Variants in WDR12 observed in about 807,000 individuals in gnomAD.
WDR12 encodes the protein WD repeat domain 12.
WDR12 carries 42 observed loss-of-function variants against 64.3 expected under a neutral mutation model. The observed-to-expected ratio is 0.65, with a 90% CI of 0.51 to 0.84. WDR12 has a LOEUF of 0.84. Ranked by LOEUF, WDR12 falls within the 40% of genes least tolerant of loss-of-function variation. WDR12 has a pLI of 0.00. For missense variants in WDR12, 469 were observed against 494.6 expected (o/e 0.95, Z 0.49); for synonymous variants, 158 against 173.3 (o/e 0.91, Z 0.70).
At chr2:202,889,788 C>T (rs1218994332) in intron 8 of WDR12, among the ~76,000 whole-genome samples, 1 of 151,394 alleles carries the variant, frequency 6.6e-6, no homozygotes, top group Non-Finnish European at 1.5e-5. Flanking sequence ...TGGTGGCATG[C>T]ACCTGTAGTT....
At chr2:202,888,998 C>T (rs1688100223) in intron 8 of WDR12, among the ~76,000 whole-genome samples, 1 of 152,012 alleles carries the variant, frequency 6.6e-6, no homozygotes, top group African/African-American at 2.4e-5. Flanking sequence ...CTTCTCGGGC[C>T]CCAAATTTTT....
intron 8 of WDR12, among the ~76,000 whole-genome samples, chr2:202,889,657 G>A (rs1174444163): frequency 6.6e-6 from 1 of 150,948 alleles, no homozygotes. Context: ...GCTCACGCCC[G>A]TAATCCCAGC....
At chr2:202,894,351 G>T (rs182004667) in intron 7 of WDR12, among the ~76,000 whole-genome samples, 19 of 152,154 alleles carry the variant, frequency 1.2e-4, no homozygotes, top group Admixed American at 2.6e-4. Flanking sequence ...CAAGGAGCTA[G>T]GACTACCGGT....
Position 202,880,217 on chromosome 2 carries a change from C to T in WDR12, c.*643G>A, listed in dbSNP as rs1298530597. On this transcript the variant is annotated 3_prime_UTR_variant, in exon 13 of 13. Transcript: ENST00000261015. Reference sequence around the variant, plus strand: ...CTAAGTCTCTAACAGAAATAAAAATCTCAACAATCAATTACTGGATTTCCA... The same window carrying T: ...CTAAGTCTCTAACAGAAATAAAAATTTCAACAATCAATTACTGGATTTCCA... 9 of 152,102 alleles carry T rather than the reference C, an allele frequency of 5.9e-5. No individual in the cohort carries two copies. The highest frequency in any genetic ancestry group is 2.2e-4 in the African/African-American group (9 of 41,426). The allele number at this position is 152,102 out of a possible 1,614,324, so 9.4% of individuals were successfully genotyped here. A position where few individuals can be genotyped will look rare whatever the true frequency, so the allele number is the denominator to read the frequency against.
intron 4 of WDR12, among the ~76,000 whole-genome samples, 189 bp downstream of exon 4, chr2:202,899,342 C>T (rs912148417): frequency 6.6e-6 from 1 of 152,152 alleles, no homozygotes; most frequent in East Asian, 1.9e-4. Context: ...CTGCACCCAG[C>T]CACCTGTTTC....
chr2:202,894,744 T>A (rs1312025747), intron 6 of WDR12, 118 bp from the exon 7 acceptor site: 2 of 789,210 alleles, frequency 2.5e-6, no homozygotes, highest in Non-Finnish European at 3.8e-6. Context: ...TCCACAGAAC[T>A]GAAATTAGCC....
Position 202,889,540 on chromosome 2 carries a change from A to G in WDR12, c.741+3077T>C, listed in dbSNP as rs566858805. Among the ~76,000 whole-genome samples, 23 of 152,188 alleles carry G rather than the reference A, an allele frequency of 1.5e-4. No homozygotes were observed. The South Asian group carries it at 4.8e-3, about 32-fold the overall frequency. ...TTAAAAATTAGCTAAAAATATGAAC[A>G]TTTCATAATTATCAAAGATCCAGGG... On this transcript the variant is annotated intron_variant, in intron 8 of 12. Transcript: ENST00000261015.
chr2:202,892,883 C>A (rs1688178459), intron 7 of WDR12, among the ~76,000 whole-genome samples, 181 bp from the exon 8 acceptor site: 1 of 152,030 alleles, frequency 6.6e-6, no homozygotes, highest in African/African-American at 2.4e-5. Context: ...GATTACCAAT[C>A]TCTAAAAATA....
chr2:202,887,544 A>C (rs1405650642), intron 8 of WDR12, among the ~76,000 whole-genome samples: 2 of 152,194 alleles, frequency 1.3e-5, no homozygotes, highest in African/African-American at 4.8e-5. Flanking sequence ...ATGTCATCTA[A>C]AACAAAATGA....
At chr2:202,892,553 A>C in intron 8 of WDR12, 64 bp downstream of exon 8, 1 of 1,119,956 alleles carries the variant, frequency 8.9e-7, no homozygotes, top group Non-Finnish European at 1.3e-6. Context: ...AGACCATATT[A>C]AATTACCATC....
intron 8 of WDR12, among the ~76,000 whole-genome samples, chr2:202,886,184 C>T (rs555941703): frequency 2.0e-5 from 3 of 150,656 alleles, no homozygotes; most frequent in East Asian, 1.9e-4. Flanking sequence ...AGGCCACACA[C>T]GGTGGCTAAC....
chr2:202,890,540 C>T (rs181712854), intron 8 of WDR12, among the ~76,000 whole-genome samples: 4 of 151,586 alleles, frequency 2.6e-5, no homozygotes, highest in Middle Eastern at 3.4e-3. Flanking sequence ...GAGGCCGAGG[C>T]GGGTGGATCA....
chr2:202,897,858 C>G (rs1178050974), intron 4 of WDR12, among the ~76,000 whole-genome samples: 1 of 123,980 alleles, frequency 8.1e-6, no homozygotes, highest in Non-Finnish European at 1.6e-5. Context: ...CACTGCACAC[C>G]AGCCTGGGTG....
intron 8 of WDR12, among the ~76,000 whole-genome samples, chr2:202,888,800 C>G (rs1688096381): frequency 6.6e-6 from 1 of 152,180 alleles, no homozygotes; most frequent in African/African-American, 2.4e-5. Context: ...GCAGCCTTGA[C>G]TTCCTGGGCT....
chr2:202,896,818 C>A (rs548856282), intron 5 of WDR12, among the ~76,000 whole-genome samples: 63 of 152,208 alleles, frequency 4.1e-4, no homozygotes, highest in Admixed American at 2.2e-3. Flanking sequence ...GAAACCCCGT[C>A]TCTACTAAAA....
chr2:202,897,346 A>G lies in WDR12; in HGVS notation c.408T>C (p.Ile136=). 6.3e-7 allele frequency: 1 copy of G among 1,599,088 alleles called. No homozygotes were observed. The highest frequency in any genetic ancestry group is 8.5e-7 in the Non-Finnish European group (1 of 1,173,782). Residue 136 remains isoleucine (I), a synonymous_variant, in exon 5 of 13, where the codon ATT becomes ATC. Transcript: ENST00000261015. ...CTTTTACAACATCCGTATGTCCCACAATTGTCATTATTGACTTTCCTTCCA... is the reference window on the plus strand; with the variant it reads ...CTTTTACAACATCCGTATGTCCCACGATTGTCATTATTGACTTTCCTTCCA... The part of the protein sequence containing the change: ...WSLEGKSIMT[I]VGHTDVVKDV...
chr2:202,882,825 G>A, intron 11 of WDR12, 42 bp from the exon 12 acceptor site: 3 of 1,580,620 alleles, frequency 1.9e-6, no homozygotes, highest in Non-Finnish European at 2.6e-6. Context: ...CATTCACAGT[G>A]TTAAAACAAA....
At position 202,884,190 on chromosome 2, in the gene WDR12, T is replaced by C. The variant is rs1394694755; in HGVS notation, c.988+8A>G. The C allele has an allele frequency of 1.9e-6, 3 of 1,610,432 alleles. No individual in the cohort carries two copies. The highest frequency in any genetic ancestry group is 1.1e-5 in the South Asian group (1 of 90,922). On this transcript the variant is annotated splice_region_variant and intron_variant, in intron 10 of 12. Transcript: ENST00000261015. The stretch of plus-strand genomic sequence containing the variant: ...ACATATATTCCCCCAGTGGTTTACA[T>C]GACTCACCTTTAGTTCGGGGATCCC...
At chr2:202,882,140 G>C (rs1024534435) in intron 12 of WDR12, among the ~76,000 whole-genome samples, 4 of 151,966 alleles carry the variant, frequency 2.6e-5, no homozygotes, top group Non-Finnish European at 5.9e-5. Context: ...ATGTTGCCTA[G>C]GCTGGTTTTG....
Sources: allele counts gnomAD v4.1 joint callset (sites outside exome capture counted in the v4.1 genomes callset), GRCh38; gene constraint gnomAD v4.1.1; transcripts MANE v1.5; gene names NCBI Gene and HGNC (gene_info 2026-07-23, HGNC 2026-07-21).